RNF20: variants seen among roughly 807,000 people sequenced by gnomAD.
The protein encoded by RNF20 is ring finger protein 20, also known as E3 ubiquitin-protein ligase BRE1A.
In RNF20, 84 loss-of-function variants were observed where a neutral mutation model predicts 126.2. The ratio of observed to expected loss-of-function variants is 0.67; its 90% CI spans 0.56 to 0.80. The LOEUF (loss-of-function observed/expected upper bound fraction) is 0.80. Ranked by LOEUF, RNF20 falls within the 30% of genes least tolerant of loss-of-function variation. The probability of loss-of-function intolerance (pLI) is 0.00; values close to 1 mark genes in which losing one functional copy is unlikely to be tolerated. For synonymous variants in RNF20, 400 were observed against 414.3 expected (o/e 0.97, Z 0.42); for missense variants, 869 against 1,188.2 (o/e 0.73, Z 3.95).
intron 6 of RNF20, among the ~76,000 whole-genome samples, chr9:101,545,312 AGTTC>A (rs1364132157): frequency 6.6e-6 from 1 of 152,234 alleles, no homozygotes; most frequent in Non-Finnish European, 1.5e-5. Context: ...ATTTTGATTT[AGTTC>A]AAAATATATT....
At chr9:101,538,397 A>G (rs1181379965) in intron 2 of RNF20, among the ~76,000 whole-genome samples, 1 of 152,178 alleles carries the variant, frequency 6.6e-6, no homozygotes, top group Admixed American at 6.5e-5. Context: ...CGACGTGGGC[A>G]TTTACAGATG....
chr9:101,537,752 G>A (rs1471817452), intron 2 of RNF20, among the ~76,000 whole-genome samples: 1 of 152,208 alleles, frequency 6.6e-6, no homozygotes, highest in African/African-American at 2.4e-5. Context: ...AGCTGATTAG[G>A]TGCTGCTGAT....
At chr9:101,551,537 C>T in intron 10 of RNF20, 147 bp from the exon 11 acceptor site, 2 of 333,756 alleles carry the variant, frequency 6.0e-6, no homozygotes. Flanking sequence ...TTTCAGTATC[C>T]TGTCAGTTTC....
chr9:101,538,947 A>G (rs577266228), intron 2 of RNF20, among the ~76,000 whole-genome samples: 2 of 152,266 alleles, frequency 1.3e-5, no homozygotes, highest in Admixed American at 1.3e-4. Context: ...AAAAATATTG[A>G]GAGGGATGTG....
At chr9:101,544,746 A>G (rs1007058262) in intron 5 of RNF20, 21 bp from the exon 6 acceptor site, 3 of 1,486,088 alleles carry the variant, frequency 2.0e-6, no homozygotes, top group Non-Finnish European at 2.8e-6. Context: ...GCTAAATTAA[A>G]GTATAGTTCT....
chr9:101,556,043 A>T (rs1827526841), intron 15 of RNF20, among the ~76,000 whole-genome samples: 1 of 151,538 alleles, frequency 6.6e-6, no homozygotes, highest in South Asian at 2.1e-4. Flanking sequence ...TAAGGTAATT[A>T]TCAGGAAATT....
At chr9:101,547,901 CTT>C (rs1249906837) in intron 9 of RNF20, among the ~76,000 whole-genome samples, 2 of 152,108 alleles carry the variant, frequency 1.3e-5, no homozygotes, top group Non-Finnish European at 2.9e-5. Flanking sequence ...GATGACATGA[CTT>C]TATATATAGA....
intron 5 of RNF20, among the ~76,000 whole-genome samples, chr9:101,542,473 A>G (rs1444032537): frequency 6.6e-6 from 1 of 152,042 alleles, no homozygotes; most frequent in Non-Finnish European, 1.5e-5. Flanking sequence ...AGTTTGGCTC[A>G]CTCTTCTTTG....
chr9:101,534,795 C>A (rs1343691267), intron 1 of RNF20, among the ~76,000 whole-genome samples: 3 of 152,114 alleles, frequency 2.0e-5, no homozygotes, highest in Non-Finnish European at 2.9e-5. Context: ...AAGAGAGATT[C>A]CAGAACTTTA....
intron 8 of RNF20, 85 bp from the exon 9 acceptor site, chr9:101,547,314 G>T: frequency 1.9e-6 from 3 of 1,603,342 alleles, no homozygotes; most frequent in Non-Finnish European, 2.6e-6. Context: ...GGTTTTGCTG[G>T]AATAGCGAAT....
intron 12 of RNF20, 36 bp downstream of exon 12, chr9:101,552,298 T>A: frequency 6.2e-7 from 1 of 1,613,846 alleles, no homozygotes; most frequent in Non-Finnish European, 8.5e-7. Context: ...TCATTTGCTA[T>A]TAATGTCGTA....
At chr9:101,559,444 G>T (rs1198036901) in intron 16 of RNF20, among the ~76,000 whole-genome samples, 2 of 152,074 alleles carry the variant, frequency 1.3e-5, no homozygotes, top group African/African-American at 2.4e-5. Flanking sequence ...AATGATGTTG[G>T]TATTTTGATG....
rs747944179 is a variant in RNF20, at chr9:101,554,081, A to G, written c.1995A>G (p.Ala665=). 1.2e-6 allele frequency: 2 copies of G among 1,610,112 alleles called. No individual in the cohort carries two copies. The highest frequency in any genetic ancestry group is 1.7e-5 in the Admixed American group (1 of 60,012). The change falls in exon 14 of 20, where the codon GCA becomes GCG. Residue 665 remains alanine (A), a synonymous_variant. Transcript: ENST00000389120. ...AGAGAGACAAAGTTCAGCTGATGGCAGCTGAGAAGAAGTCTAAGGCAGAGG... is the reference window on the plus strand; with the variant it reads ...AGAGAGACAAAGTTCAGCTGATGGCGGCTGAGAAGAAGTCTAAGGCAGAGG... ...KEQRDKVQLM[A]AEKKSKAELE... is the part of the protein sequence containing the mutation.
At position 101,561,898 on chromosome 9, in the gene RNF20, A is replaced by C; in HGVS notation, c.2650-12A>C. 6.3e-7 allele frequency: 1 copy of C among 1,580,068 alleles called. No individual in the cohort carries two copies. Among genetic ancestry groups the C allele is most frequent in the Non-Finnish European group, 8.7e-7 (1 of 1,149,092 alleles). On this transcript the variant is annotated splice_polypyrimidine_tract_variant and intron_variant, in intron 18 of 19. Transcript: ENST00000389120. ...GGTAAGTGTGTCTAATGGGTATGCT[A>C]TCCTGCCACAGGAGGACATCTCTAG...
rs1334034938 is a variant in RNF20 at position 101,557,563 on chromosome 9, G to T, written c.2349G>T (p.Glu783Asp). ...AGTTGCTTAAAGAAGAGAAGGAGGAGCTGGCAGACCAGGTGTTGACTCTGA... is the reference window on the plus strand; with the variant it reads ...AGTTGCTTAAAGAAGAGAAGGAGGATCTGGCAGACCAGGTGTTGACTCTGA... ...IHKLLKEEKE[E>D]LADQVLTLKT... is the part of the protein sequence containing the mutation. Residue 783 changes from glutamate to aspartate, a missense_variant, in exon 16 of 20, where the codon GAG becomes GAT. Coordinates refer to ENST00000389120, the MANE Select transcript of RNF20 (RefSeq NM_019592.7). 2 of 1,613,942 alleles carry T rather than the reference G, an allele frequency of 1.2e-6. No individual in the cohort carries two copies. The highest frequency in any genetic ancestry group is 1.7e-6 in the Non-Finnish European group (2 of 1,179,846).
intron 1 of RNF20, 45 bp from the exon 2 acceptor site, chr9:101,535,353 T>C (rs1827165783): frequency 6.6e-7 from 1 of 1,518,204 alleles, no homozygotes; most frequent in African/African-American, 1.4e-5. Flanking sequence ...CTATTGTTGC[T>C]TTGCTTACAT....
Position 101,562,243 on chromosome 9 carries a change from T to C in RNF20, c.2752-3T>C. On this transcript the variant is annotated splice_polypyrimidine_tract_variant and splice_region_variant and intron_variant, in intron 19 of 19. Transcript: ENST00000389120. ...TTCAAACTCTGACATCTTTTCTTTT[T>C]AGGCACGCTTGACCTGTCCGTGCTG... The C allele has an allele frequency of 6.2e-7, 1 of 1,606,806 alleles. No homozygotes were observed. The highest frequency in any genetic ancestry group is 8.5e-7 in the Non-Finnish European group (1 of 1,175,154).
intron 2 of RNF20, among the ~76,000 whole-genome samples, chr9:101,536,470 A>T (rs911668765): frequency 2.0e-5 from 3 of 152,036 alleles, no homozygotes; most frequent in African/African-American, 7.2e-5. Context: ...GAACATTCAT[A>T]GTGAGTTGTT....
intron 1 of RNF20, among the ~76,000 whole-genome samples, chr9:101,535,010 T>C (rs1054975488): frequency 1.3e-5 from 2 of 151,140 alleles, no homozygotes; most frequent in African/African-American, 4.9e-5. Flanking sequence ...CGGGTTCAAG[T>C]GATTCTCCTG....
Sources: gnomAD v4.1 joint callset for allele counts (sites outside exome capture counted in the v4.1 genomes callset) on GRCh38, gnomAD v4.1.1 for gene constraint, MANE v1.5 for transcripts, NCBI Gene and HGNC (gene_info 2026-07-23, HGNC 2026-07-21) for gene names.